Variants in GPR137 observed in about 807,000 individuals in gnomAD.
GPR137 encodes the protein integral membrane protein GPR137.
In GPR137, 20 loss-of-function variants were observed where a neutral mutation model predicts 38.9. The observed-to-expected ratio is 0.51, with a 90% CI of 0.36 to 0.75. The LOEUF is 0.75. Among genes scored for constraint, GPR137 ranks in the 30% least tolerant of loss-of-function variants. The pLI is 0.00. For synonymous variants in GPR137, 226 were observed against 235.8 expected, an observed-to-expected ratio of 0.96 and a Z score of 0.38; for missense variants, 456 against 526.4, an observed-to-expected ratio of 0.87 and a Z score of 1.31.
At chr11:64,275,257 G>A (rs979716829), upstream of GPR137, among the ~76,000 whole-genome samples, 6 of 152,016 alleles carry the variant, frequency 3.9e-5, no homozygotes, top group Non-Finnish European at 5.9e-5. Flanking sequence ...ACCTTGGGAG[G>A]CTGAAGGATT....
Position 64,288,174 on chromosome 11 carries a change from T to G in GPR137, c.743T>G (p.Leu248Arg). The G allele has an allele frequency of 6.2e-7, 1 of 1,613,222 alleles. No individual in the cohort carries two copies. Among genetic ancestry groups the G allele is most frequent in the Non-Finnish European group, 8.5e-7 (1 of 1,179,984 alleles). ...TALALAPQSR[L>R]DTFDYDWYNV... ...CTGGCCTTGGCCCCCCAGAGCCGGC[T>G]GGACACCTTCGATTACGACTGGTAC... The change falls in exon 4 of 7, where the codon CTG becomes CGG. Residue 248 changes from leucine to arginine, a missense_variant. By Grantham distance (102) the Leu-to-Arg change is moderately radical. Transcript: ENST00000438980. The surrounding 1 kb of genome is among the most constrained non-coding windows in gnomAD (Gnocchi z 5.5).
upstream of GPR137, chr11:64,284,525 G>C (rs780368700): frequency 6.5e-7 from 1 of 1,530,874 alleles, no homozygotes; most frequent in Non-Finnish European, 8.7e-7. Flanking sequence ...TGCCGGGTCT[G>C]GCCTGGCAGG....
Position 64,288,025 on chromosome 11 carries a change from C to A in GPR137, c.634-40C>A, listed in dbSNP as rs761633185. On this transcript the variant is annotated intron_variant, in intron 3 of 6. Coordinates refer to ENST00000438980, the MANE Select transcript of GPR137 (RefSeq NM_001170880.2). This position sits in a 1 kb window ranked among gnomAD's most constrained non-coding sequence, Gnocchi z 5.5. ...CTCAGGGTGTAGAGGAAGCTGGGAG[C>A]CTTCTCTCCCTGAGGGTCCTCTGTT... is the stretch of plus-strand genomic sequence containing the variant. The A allele has an allele frequency of 9.5e-5, 152 of 1,605,284 alleles. No homozygotes were observed. In the South Asian group the frequency reaches 1.6e-3, roughly 17 times the overall value.
upstream of GPR137, among the ~76,000 whole-genome samples, chr11:64,274,260 C>T (rs1438731212): frequency 2.6e-5 from 4 of 151,860 alleles, no homozygotes; most frequent in South Asian, 2.1e-4. Context: ...TGGTGGCTGG[C>T]GCCTTAGTTC....
At chr11:64,285,021 T>G, upstream of GPR137, 1 of 1,191,158 alleles carries the variant, frequency 8.4e-7, no homozygotes, top group East Asian at 3.6e-5. Flanking sequence ...TAGTGACAGC[T>G]CCCCCGGGAG....
Position 64,288,538 on chromosome 11 carries a change from T to C in GPR137, c.913-65T>C. On this transcript the variant is annotated intron_variant, in intron 5 of 6. Transcript: ENST00000438980. The surrounding 1 kb of genome is among the most constrained non-coding windows in gnomAD (Gnocchi z 5.5). Reference sequence around the variant, plus strand: ...ATGTTGCAAATCCTGGGTTGGAGTCTGGGGTTGGGCCTGGGAGGCCAGTGC... The same window carrying C: ...ATGTTGCAAATCCTGGGTTGGAGTCCGGGGTTGGGCCTGGGAGGCCAGTGC... The C allele has an allele frequency of 1.2e-6, 2 of 1,613,212 alleles. No individual in the cohort carries two copies. Among genetic ancestry groups the C allele is most frequent in the Non-Finnish European group, 1.7e-6 (2 of 1,179,648 alleles).
At chr11:64,272,129 G>T (rs1555067852), upstream of GPR137, among the ~76,000 whole-genome samples, 1 of 152,132 alleles carries the variant, frequency 6.6e-6, no homozygotes, top group Non-Finnish European at 1.5e-5. Context: ...GACCATCCTG[G>T]CCAACATGGT....
upstream of GPR137, among the ~76,000 whole-genome samples, chr11:64,279,349 C>A (rs1023414153): frequency 6.6e-6 from 1 of 152,190 alleles, no homozygotes; most frequent in African/African-American, 2.4e-5. Flanking sequence ...ACCATTCCTT[C>A]CTTTGCACAC....
At chr11:64,282,242 G>T (rs536479617), upstream of GPR137, among the ~76,000 whole-genome samples, 2 of 152,130 alleles carry the variant, frequency 1.3e-5, no homozygotes, top group African/African-American at 4.8e-5. Flanking sequence ...GAGTGTGTGT[G>T]GGGGGCAGAG....
chr11:64,271,764 T>C, upstream of GPR137: 4 of 1,397,462 alleles, frequency 2.9e-6, no homozygotes, highest in Non-Finnish European at 3.7e-6. Context: ...CCCCGCGGGG[T>C]AGGAGCTGTG....
chr11:64,287,580 C>T (rs1361390603), intron 2 of GPR137, 141 bp from the exon 3 acceptor site: 33 of 1,464,032 alleles, frequency 2.3e-5, no homozygotes, highest in Non-Finnish European at 2.9e-5. Context: ...GCCTCAGTTT[C>T]TCCATCTGTA....
chr11:64,287,853 C>T lies in GPR137; in HGVS notation c.540C>T (p.Asp180=), dbSNP rs1441137255. 6.2e-7 allele frequency: 1 copy of T among 1,605,312 alleles called. No individual in the cohort carries two copies. The highest frequency in any genetic ancestry group is 1.7e-5 in the Admixed American group (1 of 60,020). The change falls in exon 3 of 7, where the codon GAC becomes GAT. Residue 180 remains aspartate, a synonymous_variant. Coordinates refer to ENST00000438980, the MANE Select transcript of GPR137 (RefSeq NM_001170880.2). ...ALLLVRVLVS[D]SLFVICALSL... is the part of the protein sequence containing the mutation. ...TGCTTGTCCGCGTCCTGGTGAGCGA[C>T]TCCCTGTTCGTCATCTGCGCGCTGT...
At chr11:64,284,643 C>T (rs556266858), upstream of GPR137, 1 of 1,531,234 alleles carries the variant, frequency 6.5e-7, no homozygotes, top group South Asian at 1.2e-5. Flanking sequence ...CAAGCCCGAT[C>T]TCGAGGCCCC....
At chr11:64,273,484 G>C (rs745544500), upstream of GPR137, among the ~76,000 whole-genome samples, 5 of 152,168 alleles carry the variant, frequency 3.3e-5, no homozygotes, top group Non-Finnish European at 5.9e-5. Flanking sequence ...ACTGTGCTCT[G>C]TGCCATCTCC....
At position 64,288,791 on chromosome 11, in the gene GPR137, G is replaced by A; in HGVS notation, c.1031+70G>A. On this transcript the variant is annotated intron_variant, in intron 6 of 6. Coordinates refer to ENST00000438980, the MANE Select transcript of GPR137 (RefSeq NM_001170880.2). This position sits in a 1 kb window ranked among gnomAD's most constrained non-coding sequence, Gnocchi z 5.5. ...ACCCCGCTGGCTCCATCAAGCTATG[G>A]GGGACCGAGATAGCCGGGTCTTGCC... 6.8e-7 allele frequency: 1 copy of A among 1,461,576 alleles called. No homozygotes were observed. Among genetic ancestry groups the A allele is most frequent in the South Asian group, 1.4e-5 (1 of 71,058 alleles). 90.5% of individuals were successfully genotyped at this position (1,461,576 alleles called of 1,614,324 possible).
In GPR137 at chr11:64,286,494, T is replaced by G. The variant is rs2034077917; in HGVS notation, c.-31T>G. ...GTCCCGCCGACAGTCCCTCCTTGTC[T>G]GTCTCCGGGATTCAGGCCTCCCTCC... On this transcript the variant is annotated 5_prime_UTR_variant, in exon 1 of 7. Transcript: ENST00000438980. The G allele has an allele frequency of 6.3e-7, 1 of 1,586,170 alleles. No homozygotes were observed. The highest frequency in any genetic ancestry group is 1.3e-5 in the African/African-American group (1 of 74,414).
chr11:64,288,910 G>A lies in GPR137; in HGVS notation c.1032-127G>A. On this transcript the variant is annotated intron_variant, in intron 6 of 6. Coordinates refer to ENST00000438980, the MANE Select transcript of GPR137 (RefSeq NM_001170880.2). This position sits in a 1 kb window ranked among gnomAD's most constrained non-coding sequence, Gnocchi z 5.5. ...AAGCCTCCACCTCTTGCCTAGAGAT[G>A]TACTTTGTCCTGGGCCCCGAAGGTC... The A allele has an allele frequency of 6.9e-7, 1 of 1,441,450 alleles. No individual in the cohort carries two copies. The highest frequency in any genetic ancestry group is 2.8e-5 in the Admixed American group (1 of 35,706). 89.3% of individuals were successfully genotyped at this position (1,441,450 alleles called of 1,614,324 possible). A position where few individuals can be genotyped will look rare whatever the true frequency, so the allele number is the denominator to read the frequency against.
upstream of GPR137, among the ~76,000 whole-genome samples, chr11:64,273,209 C>G (rs2032770844): frequency 6.6e-6 from 1 of 152,062 alleles, no homozygotes; most frequent in Non-Finnish European, 1.5e-5. Context: ...TCCGTCTCTA[C>G]TAAAAATACA....
chr11:64,285,662 C>T (rs970302776), upstream of GPR137: 9 of 984,884 alleles, frequency 9.1e-6, no homozygotes, highest in Middle Eastern at 5.2e-4. Context: ...GGATGCGGCA[C>T]GGCCCCCGCA....
Sources: gnomAD v4.1 joint callset for allele counts (sites outside exome capture counted in the v4.1 genomes callset) on GRCh38, gnomAD v4.1.1 for gene constraint, Gnocchi (gnomAD v3.1) non-coding constraint, MANE v1.5 for transcripts, NCBI Gene and HGNC (gene_info 2026-07-23, HGNC 2026-07-21) for gene names.